Variants in PPHLN1 observed in about 807,000 individuals in gnomAD.
PPHLN1 encodes periphilin 1.
A neutral mutation model predicts 51.3 loss-of-function variants in PPHLN1; 29 were observed. That is an observed-to-expected ratio of 0.57 (90% confidence interval 0.42 to 0.77). The LOEUF (loss-of-function observed/expected upper bound fraction) is 0.77. Ranked by LOEUF, PPHLN1 falls within the 30% of genes least tolerant of loss-of-function variation. PPHLN1 has a pLI of 0.00. For missense variants in PPHLN1, 436 were observed against 438.4 expected, an observed-to-expected ratio of 0.99 and a Z score of 0.05; for synonymous variants, 147 against 147.8, an observed-to-expected ratio of 0.99 and a Z score of 0.04.
chr12:42,431,303 A>G (rs890695648), intron 9 of PPHLN1, among the ~76,000 whole-genome samples: 1 of 152,228 alleles, frequency 6.6e-6, no homozygotes, highest in African/African-American at 2.4e-5. Flanking sequence ...GTGGTTGCAT[A>G]TTAAAAATGT....
chr12:42,382,739 G>C lies in PPHLN1; in HGVS notation c.512-2201G>C, dbSNP rs185242842. Reference sequence around the variant, plus strand: ...ACCAACAAAAACGAAAGAGGAAGGGGTAGCTATGAAGATGTAAGGGTGCAA... The same window carrying C: ...ACCAACAAAAACGAAAGAGGAAGGGCTAGCTATGAAGATGTAAGGGTGCAA... On this transcript the variant is annotated intron_variant, in intron 5 of 9. Transcript: ENST00000358314. 9.0e-3 allele frequency among the ~76,000 whole-genome samples: 1,363 copies of C among 152,230 alleles called. 12 individuals carry two copies. Among genetic ancestry groups the C allele is most frequent in the Non-Finnish European group, 0.014 (945 of 68,000 alleles).
intron 9 of PPHLN1, among the ~76,000 whole-genome samples, chr12:42,439,192 T>A (rs930800651): frequency 1.3e-5 from 2 of 152,236 alleles, no homozygotes; most frequent in African/African-American, 4.8e-5. Flanking sequence ...AGGTCTGCGA[T>A]CCATTTTGAG....
At chr12:42,353,449 C>G (rs2073654299) in intron 3 of PPHLN1, among the ~76,000 whole-genome samples, 1 of 152,190 alleles carries the variant, frequency 6.6e-6, no homozygotes, top group Non-Finnish European at 1.5e-5. Context: ...GTATGGGAGT[C>G]TGGTTTCTCT....
downstream of PPHLN1, chr12:42,447,620 T>C (rs971100932): frequency 1.3e-5 from 2 of 152,242 alleles, no homozygotes; most frequent in African/African-American, 4.8e-5. Context: ...AAACTCATGT[T>C]TGTTATTACT....
chr12:42,356,580 A>G (rs546025496), intron 4 of PPHLN1, among the ~76,000 whole-genome samples: 10 of 152,320 alleles, frequency 6.6e-5, no homozygotes, highest in South Asian at 2.1e-4. Context: ...ATACATGGCA[A>G]TTATGTGCAG....
chr12:42,360,552 A>G (rs902873642), intron 4 of PPHLN1, among the ~76,000 whole-genome samples: 5 of 136,086 alleles, frequency 3.7e-5, no homozygotes, highest in East Asian at 2.3e-4. Context: ...CTGGAGCGCA[A>G]TGGTGTGGTC....
At chr12:42,426,020 A>G (rs2081423233) in intron 9 of PPHLN1, among the ~76,000 whole-genome samples, 1 of 152,136 alleles carries the variant, frequency 6.6e-6, no homozygotes, top group Admixed American at 6.5e-5. Flanking sequence ...ACAGAATAAT[A>G]ATGCTTTTCC....
intron 4 of PPHLN1, among the ~76,000 whole-genome samples, chr12:42,371,148 T>G (rs2075769824): frequency 2.2e-5 from 3 of 133,548 alleles, no homozygotes; most frequent in Admixed American, 1.6e-4. Context: ...TGAGACAGAG[T>G]CTTGCTCTGT....
downstream of PPHLN1, chr12:42,442,545 C>A: frequency 6.5e-7 from 1 of 1,534,566 alleles, no homozygotes; most frequent in Non-Finnish European, 8.8e-7. Flanking sequence ...CAGGACTGCA[C>A]TCTCTTTTGG....
intron 8 of PPHLN1, among the ~76,000 whole-genome samples, chr12:42,397,143 G>T (rs2078311302): frequency 6.6e-6 from 1 of 151,776 alleles, no homozygotes; most frequent in Non-Finnish European, 1.5e-5. Flanking sequence ...GTTATTTTTG[G>T]CTTCAATGTC....
intron 9 of PPHLN1, among the ~76,000 whole-genome samples, chr12:42,409,178 A>G (rs1305591273): frequency 6.6e-6 from 1 of 152,132 alleles, no homozygotes; most frequent in Non-Finnish European, 1.5e-5. Flanking sequence ...TGGAAAGCAA[A>G]ACTGCTGATT....
chr12:42,340,453 C>T (rs2071312508), intron 2 of PPHLN1, among the ~76,000 whole-genome samples: 1 of 151,972 alleles, frequency 6.6e-6, no homozygotes, highest in Non-Finnish European at 1.5e-5. Context: ...GACAACAAAC[C>T]AGATGTCCAA....
intron 9 of PPHLN1, among the ~76,000 whole-genome samples, chr12:42,405,618 T>G (rs1281281200): frequency 6.6e-6 from 1 of 151,082 alleles, no homozygotes; most frequent in African/African-American, 2.5e-5. Flanking sequence ...AGAAAACCAT[T>G]ATAGGAAATC....
At chr12:42,333,058 C>A (rs1029298395) in intron 1 of PPHLN1, among the ~76,000 whole-genome samples, 5 of 152,174 alleles carry the variant, frequency 3.3e-5, no homozygotes, top group African/African-American at 1.2e-4. Context: ...CTGTTGCATT[C>A]TCTTGTTACT....
intron 4 of PPHLN1, among the ~76,000 whole-genome samples, chr12:42,370,619 A>G (rs990727188): frequency 6.6e-6 from 1 of 152,020 alleles, no homozygotes; most frequent in Non-Finnish European, 1.5e-5. Flanking sequence ...TTTATAGTGA[A>G]TTGGCTTTTT....
At chr12:42,444,874 G>A (rs1436744391), downstream of PPHLN1, 3 of 574,958 alleles carry the variant, frequency 5.2e-6, no homozygotes, top group African/African-American at 3.8e-5. Context: ...GATGGCTCTC[G>A]TAAAAATGGA....
chr12:42,364,960 A>G (rs988411504), intron 4 of PPHLN1, among the ~76,000 whole-genome samples: 5 of 152,190 alleles, frequency 3.3e-5, no homozygotes, highest in Admixed American at 2.6e-4. Context: ...CTTAGTCCAT[A>G]TCTTATGCCT....
At chr12:42,446,555 A>T (rs1415520856), downstream of PPHLN1, 2 of 1,609,658 alleles carry the variant, frequency 1.2e-6, no homozygotes, top group Non-Finnish European at 8.5e-7. Flanking sequence ...ATTACTAATT[A>T]TACTCATGTT....
intron 4 of PPHLN1, among the ~76,000 whole-genome samples, chr12:42,374,080 G>C (rs2076033860): frequency 6.6e-6 from 1 of 152,074 alleles, no homozygotes; most frequent in Non-Finnish European, 1.5e-5. Context: ...CATTGTCCTG[G>C]GGGTGGGTGG....
Sources: gnomAD v4.1 joint callset for allele counts (sites outside exome capture counted in the v4.1 genomes callset) on GRCh38, gnomAD v4.1.1 for gene constraint, MANE v1.5 for transcripts, NCBI Gene and HGNC (gene_info 2026-07-23, HGNC 2026-07-21) for gene names.